The following EFR3B variants were observed in gnomAD, a reference collection of about 807,000 sequenced individuals.
The protein encoded by EFR3B is EFR3 homolog B.
EFR3B carries 64 observed loss-of-function variants against 104.7 expected under a neutral mutation model. That is an observed-to-expected ratio of 0.61 (90% CI 0.50 to 0.75). The LOEUF (loss-of-function observed/expected upper bound fraction) is 0.75, where lower values mean the gene tolerates loss of function less well. EFR3B is among the 30% of genes least tolerant of loss of function. EFR3B has a pLI of 0.00. For synonymous variants in EFR3B, 385 were observed against 417.9 expected, an observed-to-expected ratio of 0.92 and a Z score of 0.96; for missense variants, 750 against 1,078.5, an observed-to-expected ratio of 0.70 and a Z score of 4.27.
In EFR3B at chr2:25,140,773, C is replaced by T. The variant is rs143451693; in HGVS notation, c.1855-593C>T. 3.0e-4 allele frequency among the ~76,000 whole-genome samples: 46 copies of T among 152,148 alleles called. No individual in the cohort carries two copies. In the East Asian group the frequency reaches 6.2e-3, roughly 20 times the overall value. On this transcript the variant is annotated intron_variant, in intron 16 of 22. Transcript: ENST00000403714. ...AACACAGGAATGAGGCCAGGTGCAG[C>T]GGCTCAGCCTTAATCCCAGCACTTT...
At chr2:25,072,118 G>A (rs778021586) in intron 1 of EFR3B, among the ~76,000 whole-genome samples, 7 of 152,176 alleles carry the variant, frequency 4.6e-5, no homozygotes, top group Non-Finnish European at 8.8e-5. Context: ...ATGAAGCTCC[G>A]GGAGTGGGGT....
chr2:25,071,256 G>T (rs887996814), intron 1 of EFR3B, among the ~76,000 whole-genome samples: 2 of 128,466 alleles, frequency 1.6e-5, no homozygotes, highest in South Asian at 5.0e-4. Context: ...CACCGTGCCC[G>T]GCCTTTTTTT....
At chr2:25,071,323 C>T (rs552582297) in intron 1 of EFR3B, among the ~76,000 whole-genome samples, 25 of 146,470 alleles carry the variant, frequency 1.7e-4, no homozygotes, top group Admixed American at 7.0e-4. Context: ...TGCAGTGGTG[C>T]GATCTTGGCT....
intron 1 of EFR3B, among the ~76,000 whole-genome samples, chr2:25,088,236 C>G (rs901466566): frequency 9.2e-5 from 14 of 152,226 alleles, no homozygotes; most frequent in Non-Finnish European, 1.6e-4. Context: ...CATGTTGTGT[C>G]ACCTTTGCAC....
chr2:25,058,775 CA>C (rs748745340), intron 1 of EFR3B, among the ~76,000 whole-genome samples: 2,313 of 104,046 alleles, frequency 0.022, 66 homozygotes, highest in African/African-American at 0.072. Context: ...CCCCCCCCCC[CA>C]AAAAAAAAAA....
At chr2:25,065,151 G>T (rs1437273619) in intron 1 of EFR3B, among the ~76,000 whole-genome samples, 1 of 152,008 alleles carries the variant, frequency 6.6e-6, no homozygotes, top group Non-Finnish European at 1.5e-5. Context: ...AACAGCTTCT[G>T]TTGTTATTGT....
At chr2:25,100,886 A>G (rs1015905320) in intron 3 of EFR3B, among the ~76,000 whole-genome samples, 2 of 152,260 alleles carry the variant, frequency 1.3e-5, no homozygotes, top group East Asian at 3.8e-4. Context: ...TGGGCACATG[A>G]GTCCAAACTC....
intron 1 of EFR3B, among the ~76,000 whole-genome samples, chr2:25,083,487 A>G (rs1397554355): frequency 6.6e-6 from 1 of 152,116 alleles, no homozygotes; most frequent in Non-Finnish European, 1.5e-5. Context: ...TTTAATGTCT[A>G]TTATTTGTTT....
chr2:25,092,847 A>G (rs1013873725), intron 2 of EFR3B, among the ~76,000 whole-genome samples, 156 bp from the exon 3 acceptor site: 2 of 152,248 alleles, frequency 1.3e-5, no homozygotes, highest in Admixed American at 1.3e-4. Flanking sequence ...ACTATGTTTT[A>G]ATCATCTGCC....
chr2:25,151,287 G>A (rs575127887), intron 20 of EFR3B, among the ~76,000 whole-genome samples: 4 of 151,804 alleles, frequency 2.6e-5, no homozygotes, highest in South Asian at 4.2e-4. Flanking sequence ...ATGGAGTCTC[G>A]CTCTGTCACC....
rs1670948447 is a variant in EFR3B, at chr2:25,149,694, C to T, written c.2143C>T (p.Arg715Ter). The change falls in exon 20 of 23, where the codon CGA becomes TGA. Residue 715 changes from arginine (R) to a stop codon, truncating the protein, a stop_gained and splice_region_variant. Transcript: ENST00000403714. LOFTEE classifies it high-confidence loss of function. ...ESRNSPEKEERVPAEEITYET... is the reference protein window; with the variant it reads ...ESRNSPEKEE ...AGCATCTCTGTCCCTTCTCCTTCAG[C>T]GAGTGCCTGCCGAGGAGATCACCTA... 3.9e-6 allele frequency: 6 copies of T among 1,551,432 alleles called. No individual in the cohort carries two copies. The highest frequency in any genetic ancestry group is 5.2e-6 in the Non-Finnish European group (6 of 1,146,794).
intron 19 of EFR3B, among the ~76,000 whole-genome samples, chr2:25,148,775 A>G (rs1670916970): frequency 2.0e-5 from 3 of 150,664 alleles, no homozygotes; most frequent in South Asian, 2.1e-4. Flanking sequence ...ACAAAAAATT[A>G]GCCGGGCGTA....
At chr2:25,118,716 C>T (rs1484737476) in intron 4 of EFR3B, among the ~76,000 whole-genome samples, 1 of 108,670 alleles carries the variant, frequency 9.2e-6, no homozygotes, top group Non-Finnish European at 1.8e-5. Flanking sequence ...ACAATGAGAC[C>T]CTGTCTCTAC....
intron 1 of EFR3B, among the ~76,000 whole-genome samples, chr2:25,085,437 G>C (rs919767541): frequency 6.6e-6 from 1 of 151,962 alleles, no homozygotes; most frequent in Non-Finnish European, 1.5e-5. Flanking sequence ...CTTGAAAAAA[G>C]CATAATAAAA....
intron 3 of EFR3B, among the ~76,000 whole-genome samples, chr2:25,099,095 A>G (rs971294545): frequency 1.3e-5 from 2 of 151,772 alleles, no homozygotes; most frequent in South Asian, 2.1e-4. Context: ...GCCTGCCCTC[A>G]TTTCCTACCC....
In EFR3B at chr2:25,131,383, C is replaced by T; in HGVS notation, c.865C>T (p.Leu289=). ...CCTCCCGCAGCCGCAGCACTCACACCTGGTCATCCAGCAGCTCCTGGGCCA... is the reference window on the plus strand; with the variant it reads ...CCTCCCGCAGCCGCAGCACTCACACTTGGTCATCCAGCAGCTCCTGGGCCA... ...MYSIQPQHSH[L]VIQQLLGHLD... The change falls in exon 9 of 23, where the codon CTG becomes TTG. Residue 289 remains leucine (L), a synonymous_variant. Transcript: ENST00000403714. The surrounding 1 kb of genome is among the most constrained non-coding windows in gnomAD (Gnocchi z 7.6). 1 of 1,550,890 alleles carries T rather than the reference C, an allele frequency of 6.4e-7. No homozygotes were observed. Among genetic ancestry groups the T allele is most frequent in the Non-Finnish European group, 8.7e-7 (1 of 1,146,816 alleles).
chr2:25,081,535 T>C, intron 1 of EFR3B: 1 of 1,098,544 alleles, frequency 9.1e-7, no homozygotes, highest in Non-Finnish European at 1.4e-6. Context: ...TAGTGAGAGA[T>C]TCCTGTGCTA....
At chr2:25,051,288 A>G (rs911479176) in intron 1 of EFR3B, among the ~76,000 whole-genome samples, 2 of 151,152 alleles carry the variant, frequency 1.3e-5, no homozygotes, top group African/African-American at 2.4e-5. Flanking sequence ...ATTTTTTTGT[A>G]TTTTTAGTAG....
At chr2:25,080,117 C>G (rs1308492216) in intron 1 of EFR3B, 2 of 1,036,044 alleles carry the variant, frequency 1.9e-6, no homozygotes, top group African/African-American at 1.6e-5. Flanking sequence ...ACTGCCGTGA[C>G]TATACCCTGT....
Sources: gnomAD v4.1 joint callset for allele counts (sites outside exome capture counted in the v4.1 genomes callset) on GRCh38, gnomAD v4.1.1 for gene constraint, Gnocchi (gnomAD v3.1) non-coding constraint, MANE v1.5 for transcripts, NCBI Gene and HGNC (gene_info 2026-07-23, HGNC 2026-07-21) for gene names.